The following GPC5 variants were observed in gnomAD, a reference collection of about 807,000 sequenced individuals.
The protein encoded by GPC5 is glypican-5.
A neutral mutation model predicts 53.9 loss-of-function variants in GPC5; 47 were observed. The observed-to-expected ratio is 0.87, with a 90% CI of 0.69 to 1.11. GPC5 has a LOEUF of 1.11. Ranked by LOEUF, GPC5 falls within the 50% of genes most tolerant of loss-of-function variation. The probability of loss-of-function intolerance (pLI) is 0.00; values close to 1 mark genes in which losing one functional copy is unlikely to be tolerated. For synonymous variants in GPC5, 286 were observed against 263.3 expected (o/e 1.09, Z -0.84); for missense variants, 748 against 713.1 (o/e 1.05, Z -0.56).
intron 7 of GPC5, among the ~76,000 whole-genome samples, chr13:92,527,169 AAAGAGAAAGAAAG>A (rs1566276753): frequency 6.4e-4 from 82 of 127,324 alleles, no homozygotes; most frequent in Middle Eastern, 3.9e-3. Flanking sequence ...AGAAAGAAAG[AAAGAGAAAGAAAG>A]AAGAAAGAAA....
chr13:92,101,916 C>T (rs2041470298), intron 6 of GPC5, among the ~76,000 whole-genome samples: 2 of 152,130 alleles, frequency 1.3e-5, no homozygotes, highest in Non-Finnish European at 1.5e-5. Flanking sequence ...AATTCCAGTG[C>T]CAAAGTGCAA....
intron 7 of GPC5, among the ~76,000 whole-genome samples, chr13:92,201,085 C>T (rs1350832606): frequency 4.6e-5 from 7 of 152,066 alleles, no homozygotes; most frequent in South Asian, 2.1e-4. Flanking sequence ...ATATACTGAA[C>T]GTCATCATCT....
At chr13:92,126,161 G>A (rs2041695518) in intron 6 of GPC5, among the ~76,000 whole-genome samples, 1 of 151,742 alleles carries the variant, frequency 6.6e-6, no homozygotes, top group Non-Finnish European at 1.5e-5. Context: ...TGCCGTGTTG[G>A]TCAGGCTGGT....
chr13:91,430,735 A>G (rs1222271533), intron 1 of GPC5, among the ~76,000 whole-genome samples: 3 of 152,164 alleles, frequency 2.0e-5, no homozygotes, highest in African/African-American at 7.2e-5. Flanking sequence ...GAAATCCCTC[A>G]TGATTTTTGC....
At chr13:91,802,364 G>T (rs567968825) in intron 5 of GPC5, among the ~76,000 whole-genome samples, 75 of 152,268 alleles carry the variant, frequency 4.9e-4, no homozygotes, top group Non-Finnish European at 1.0e-3. Flanking sequence ...TGGGTTCGTG[G>T]TCTCACTGAC....
chr13:91,637,218 T>A (rs2034306996), intron 2 of GPC5, among the ~76,000 whole-genome samples: 1 of 152,070 alleles, frequency 6.6e-6, no homozygotes, highest in Non-Finnish European at 1.5e-5. Context: ...TGAAGGAGAA[T>A]ATAAGAGGCT....
At chr13:92,328,930 C>T (rs1459007103) in intron 7 of GPC5, among the ~76,000 whole-genome samples, 1 of 152,126 alleles carries the variant, frequency 6.6e-6, no homozygotes, top group East Asian at 1.9e-4. Flanking sequence ...TGTTGCTTTT[C>T]ATTTCCTCCT....
At chr13:92,838,476 CCG>C (rs1156339135) in intron 7 of GPC5, among the ~76,000 whole-genome samples, 1 of 146,340 alleles carries the variant, frequency 6.8e-6, no homozygotes, top group South Asian at 2.3e-4. Context: ...GAGTGAGACT[CCG>C]CGCCCCCCCC....
chr13:92,365,287 T>C (rs1361100158), intron 7 of GPC5, among the ~76,000 whole-genome samples: 1 of 151,686 alleles, frequency 6.6e-6, no homozygotes, highest in Non-Finnish European at 1.5e-5. Flanking sequence ...TTTGTGTATC[T>C]AAACATAGTT....
intron 7 of GPC5, among the ~76,000 whole-genome samples, chr13:92,452,605 T>A (rs1194167491): frequency 6.6e-6 from 1 of 152,088 alleles, no homozygotes; most frequent in Non-Finnish European, 1.5e-5. Flanking sequence ...TCCCACTCTG[T>A]CGCCCAAGCT....
chr13:91,730,521 C>T (rs930736823), intron 4 of GPC5, among the ~76,000 whole-genome samples: 2 of 152,120 alleles, frequency 1.3e-5, no homozygotes, highest in East Asian at 1.9e-4. Context: ...TCAGGTTGCA[C>T]GGTCACTTGC....
In GPC5 at chr13:91,560,516, T is replaced by A. The variant is rs1051125235; in HGVS notation, c.325+111594T>A. Among the ~76,000 whole-genome samples the A allele has an allele frequency of 2.0e-5, 3 of 152,078 alleles. No individual in the cohort carries two copies. The East Asian group carries it at 5.8e-4, about 29-fold the overall frequency. On this transcript the variant is annotated intron_variant, in intron 2 of 7. Coordinates refer to ENST00000377067, the MANE Select transcript of GPC5 (RefSeq NM_004466.6). ...GAGACATGCCAGTAATCACAATGCC[T>A]TAGCTTAAAGGGATTTGGGGCAGTT...
chr13:92,145,871 T>C (rs1030718645), intron 7 of GPC5, among the ~76,000 whole-genome samples: 2 of 152,156 alleles, frequency 1.3e-5, no homozygotes, highest in African/African-American at 4.8e-5. Context: ...TTTGCACCTA[T>C]TAGACATGCC....
At chr13:92,031,695 TAATATA>T (rs2040843282) in intron 6 of GPC5, among the ~76,000 whole-genome samples, 1 of 96,182 alleles carries the variant, frequency 1.0e-5, no homozygotes, top group Admixed American at 1.7e-4. Flanking sequence ...ATAGTATATA[TAATATA>T]TTATATATAT....
chr13:92,028,542 T>C (rs1594732143), intron 6 of GPC5, among the ~76,000 whole-genome samples: 1 of 152,212 alleles, frequency 6.6e-6, no homozygotes, highest in African/African-American at 2.4e-5. Flanking sequence ...GAATCTAAAA[T>C]GTATTTGTGC....
At chr13:91,505,738 T>G (rs1029426190) in intron 2 of GPC5, among the ~76,000 whole-genome samples, 1 of 152,198 alleles carries the variant, frequency 6.6e-6, no homozygotes, top group East Asian at 1.9e-4. Context: ...CTCACTGTCA[T>G]TTTGTGGCAT....
chr13:91,551,199 A>G (rs2138823829), intron 2 of GPC5, among the ~76,000 whole-genome samples: 1 of 152,284 alleles, frequency 6.6e-6, no homozygotes, highest in African/African-American at 2.4e-5. Flanking sequence ...CAGCTATAAA[A>G]TAAGTAGCTA....
At chr13:92,385,401 C>CATATACAT (rs2043787817) in intron 7 of GPC5, among the ~76,000 whole-genome samples, 1 of 67,440 alleles carries the variant, frequency 1.5e-5, no homozygotes, top group Non-Finnish European at 2.8e-5. Context: ...CATATATACA[C>CATATACAT]ATATATACAC....
intron 6 of GPC5, among the ~76,000 whole-genome samples, chr13:91,947,192 C>T (rs553355597): frequency 3.9e-5 from 6 of 152,124 alleles, no homozygotes; most frequent in South Asian, 2.1e-4. Context: ...TACAATGTTA[C>T]GTTTTCAGGT....
Sources: allele counts gnomAD v4.1 joint callset (sites outside exome capture counted in the v4.1 genomes callset), GRCh38; gene constraint gnomAD v4.1.1; transcripts MANE v1.5; gene names NCBI Gene and HGNC (gene_info 2026-07-23, HGNC 2026-07-21).